ATF7IP: variants seen among roughly 807,000 people sequenced by gnomAD.
The protein encoded by ATF7IP is activating transcription factor 7-interacting protein 1.
Under a neutral mutation model 106.4 loss-of-function variants are expected in ATF7IP, and 23 were observed. That is an observed-to-expected ratio of 0.22 (90% confidence interval 0.16 to 0.31). The LOEUF (loss-of-function observed/expected upper bound fraction) is 0.31, where lower values mean the gene tolerates loss of function less well. Ranked by LOEUF, ATF7IP falls within the 10% of genes least tolerant of loss-of-function variation. The pLI is 1.00. For missense variants in ATF7IP, 1,334 were observed against 1,524.3 expected (o/e 0.88, Z 2.08); for synonymous variants, 542 against 539.0 (o/e 1.01, Z -0.08).
At chr12:14,491,511 C>T (rs1249776006) in intron 13 of ATF7IP, among the ~76,000 whole-genome samples, 1 of 152,152 alleles carries the variant, frequency 6.6e-6, no homozygotes, top group East Asian at 1.9e-4. Context: ...CTACTTCTTG[C>T]TCACTTGATC....
At chr12:14,367,070 A>G (rs1416651664) in intron 1 of ATF7IP, among the ~76,000 whole-genome samples, 1 of 152,130 alleles carries the variant, frequency 6.6e-6, no homozygotes, top group Non-Finnish European at 1.5e-5. Flanking sequence ...CCGTTGTGCA[A>G]ATTCTTTCTT....
chr12:14,403,381 A>G (rs902452969), intron 1 of ATF7IP, among the ~76,000 whole-genome samples: 4 of 152,134 alleles, frequency 2.6e-5, no homozygotes, highest in African/African-American at 9.7e-5. Context: ...GAATATGAGG[A>G]TAAAGGAATT....
chr12:14,408,995 A>T (rs1940764280), intron 1 of ATF7IP, among the ~76,000 whole-genome samples: 1 of 152,108 alleles, frequency 6.6e-6, no homozygotes, highest in Non-Finnish European at 1.5e-5. Flanking sequence ...CTTTTGTGAA[A>T]TGACCTCAGA....
At position 14,424,672 on chromosome 12, in the gene ATF7IP, G is replaced by A. The variant is rs761358584; in HGVS notation, c.757G>A (p.Asp253Asn). 6.2e-7 allele frequency: 1 copy of A among 1,614,144 alleles called. No homozygotes were observed. The highest frequency in any genetic ancestry group is 1.1e-5 in the South Asian group (1 of 91,086). Residue 253 changes from aspartate to asparagine, a missense_variant, in exon 2 of 15, where the codon GAT (aspartate) becomes AAT (asparagine). Asp to Asn is a conservative substitution (Grantham distance 23). Around this residue, in one of 10 missense-constraint regions of ATF7IP, gnomAD observed 438 missense variants for 405.3 expected, o/e 1.08. Transcript: ENST00000261168. The stretch of plus-strand genomic sequence containing the variant: ...AGCTTCCACTGATCCAGCCTCTGAT[G>A]ATCTGGCCTCTGGTGATCTATCCTC... ...APASTDPASD[D>N]LASGDLSSSE...
At chr12:14,422,312 TAC>T (rs59503201) in intron 1 of ATF7IP, among the ~76,000 whole-genome samples, 16,411 of 142,050 alleles carry the variant, frequency 0.12, 1,017 homozygotes, top group African/African-American at 0.18. Context: ...AAAAAGAGAA[TAC>T]ACACACACAC....
chr12:14,401,784 G>A (rs1940225632), intron 1 of ATF7IP, among the ~76,000 whole-genome samples: 1 of 146,478 alleles, frequency 6.8e-6, no homozygotes, highest in Non-Finnish European at 1.5e-5. Context: ...ATGGCGCTGG[G>A]CTCACTGCAG....
intron 1 of ATF7IP, chr12:14,395,184 T>C (rs940635543): frequency 2.6e-5 from 4 of 152,144 alleles, no homozygotes; most frequent in Non-Finnish European, 1.5e-5. Flanking sequence ...TTAATGTTTA[T>C]ACAAATGAAC....
intron 1 of ATF7IP, among the ~76,000 whole-genome samples, chr12:14,418,897 T>G (rs139353148): frequency 2.9e-3 from 437 of 152,250 alleles, no homozygotes; most frequent in Non-Finnish European, 4.7e-3. Context: ...ATATTTTTAT[T>G]AAATATTATT....
At chr12:14,490,320 GT>G (rs1287743617) in intron 13 of ATF7IP, among the ~76,000 whole-genome samples, 2 of 152,164 alleles carry the variant, frequency 1.3e-5, no homozygotes, top group Non-Finnish European at 2.9e-5. Context: ...TGCCTTCACA[GT>G]TTTTGACCAC....
At chr12:14,368,713 A>T (rs1017092915) in intron 1 of ATF7IP, among the ~76,000 whole-genome samples, 44 of 152,154 alleles carry the variant, frequency 2.9e-4, no homozygotes, top group African/African-American at 1.1e-3. Flanking sequence ...AGTGAAGTTG[A>T]ATTTGTTATT....
At chr12:14,399,919 A>G (rs896513455) in intron 1 of ATF7IP, among the ~76,000 whole-genome samples, 4 of 152,156 alleles carry the variant, frequency 2.6e-5, no homozygotes, top group African/African-American at 9.7e-5. Context: ...GGGAAGTGGT[A>G]CTTGCTACAC....
intron 1 of ATF7IP, among the ~76,000 whole-genome samples, chr12:14,399,327 T>G (rs1414164933): frequency 6.6e-6 from 1 of 152,122 alleles, no homozygotes; most frequent in Non-Finnish European, 1.5e-5. Context: ...TTCCCATGAA[T>G]TTTGAGGATA....
At chr12:14,446,034 C>T (rs1486341200) in intron 5 of ATF7IP, among the ~76,000 whole-genome samples, 1 of 151,868 alleles carries the variant, frequency 6.6e-6, no homozygotes, top group Non-Finnish European at 1.5e-5. Context: ...CTCAGATTTC[C>T]TTTCAATATG....
Position 14,498,186 on chromosome 12 carries a change from G to A in ATF7IP, c.*113G>A. 9.8e-7 allele frequency: 1 copy of A among 1,018,026 alleles called. No individual in the cohort carries two copies. The highest frequency in any genetic ancestry group is 1.6e-5 in the African/African-American group (1 of 62,304). The allele number at this position is 1,018,026 out of a possible 1,614,324, so 63.1% of individuals were successfully genotyped here. On this transcript the variant is annotated 3_prime_UTR_variant, in exon 15 of 15. Coordinates refer to ENST00000261168, the MANE Select transcript of ATF7IP (RefSeq NM_018179.5). ...CACCTTGTGCAAGATTTCTTGGACA[G>A]ATGTGTGTATACACTACATTTGTTT...
intron 5 of ATF7IP, among the ~76,000 whole-genome samples, chr12:14,440,350 A>G (rs1000280360): frequency 6.6e-6 from 1 of 152,188 alleles, no homozygotes; most frequent in Non-Finnish European, 1.5e-5. Context: ...TGATTACTTC[A>G]GTCTCTTTAT....
intron 13 of ATF7IP, among the ~76,000 whole-genome samples, chr12:14,485,138 A>G (rs940227256): frequency 3.3e-5 from 5 of 152,032 alleles, no homozygotes; most frequent in African/African-American, 1.2e-4. Context: ...GCTGGGTCCT[A>G]TGGTCCAAGT....
At chr12:14,372,116 G>A (rs889254774) in intron 1 of ATF7IP, among the ~76,000 whole-genome samples, 1 of 152,052 alleles carries the variant, frequency 6.6e-6, no homozygotes, top group South Asian at 2.1e-4. Flanking sequence ...TTGCTTGTTT[G>A]ACCTTATATT....
At chr12:14,441,590 C>T (rs948497569) in intron 5 of ATF7IP, among the ~76,000 whole-genome samples, 11 of 149,024 alleles carry the variant, frequency 7.4e-5, no homozygotes, top group Admixed American at 6.7e-5. Flanking sequence ...CCCGGGTTCA[C>T]GCCATTCTCC....
Position 14,456,651 on chromosome 12 carries a change from T to C in ATF7IP, c.2069+17T>C. On this transcript the variant is annotated intron_variant, in intron 7 of 14. Transcript: ENST00000261168. The stretch of plus-strand genomic sequence containing the variant: ...GTCTTACAGGTGAGAATTCATAGTC[T>C]GTCTAGTTTTTAAAAACAGAACAAA... 6.4e-7 allele frequency: 1 copy of C among 1,563,260 alleles called. No individual in the cohort carries two copies. The highest frequency in any genetic ancestry group is 1.1e-5 in the South Asian group (1 of 88,760).
Sources: allele counts gnomAD v4.1 joint callset (sites outside exome capture counted in the v4.1 genomes callset), GRCh38; gene constraint gnomAD v4.1.1; regional missense constraint gnomAD v4.1.1; transcripts MANE v1.5; gene names NCBI Gene and HGNC (gene_info 2026-07-23, HGNC 2026-07-21).